NDUFV2: variants seen among roughly 807,000 people sequenced by gnomAD.
The protein encoded by NDUFV2 is NADH dehydrogenase [ubiquinone] flavoprotein 2, mitochondrial.
A neutral mutation model predicts 31.6 loss-of-function variants in NDUFV2; 18 were observed. That is an observed-to-expected ratio of 0.57 (90% CI 0.39 to 0.84). The LOEUF (loss-of-function observed/expected upper bound fraction) is 0.84, where lower values mean the gene tolerates loss of function less well. Ranked by LOEUF, NDUFV2 falls within the 40% of genes least tolerant of loss-of-function variation. NDUFV2 has a pLI of 0.00. For synonymous variants in NDUFV2, 83 were observed against 99.8 expected (o/e 0.83, Z 1.01); for missense variants, 314 against 303.6 (o/e 1.03, Z -0.26).
At chr18:9,110,284 T>A (rs1417367839) in intron 1 of NDUFV2, among the ~76,000 whole-genome samples, 1 of 152,204 alleles carries the variant, frequency 6.6e-6, no homozygotes, top group African/African-American at 2.4e-5. Context: ...ATGAGAACTT[T>A]TAATGTTTTA....
intron 7 of NDUFV2, among the ~76,000 whole-genome samples, chr18:9,133,003 C>T (rs2078053843): frequency 6.6e-6 from 1 of 152,116 alleles, no homozygotes; most frequent in African/African-American, 2.4e-5. Context: ...GCTTTTTTAT[C>T]TGTTTTTGTA....
intron 1 of NDUFV2, chr18:9,104,064 G>C (rs1166577702): frequency 7.5e-7 from 1 of 1,327,860 alleles, no homozygotes; most frequent in Non-Finnish European, 1.1e-6. Context: ...AGATGAATAG[G>C]GTCATCCAAT....
intron 4 of NDUFV2, among the ~76,000 whole-genome samples, 166 bp from the exon 5 acceptor site, chr18:9,122,347 A>T (rs2077944298): frequency 6.6e-6 from 1 of 152,192 alleles, no homozygotes; most frequent in Admixed American, 6.5e-5. Flanking sequence ...AAAATTGAAG[A>T]GTTTATATCT....
intron 1 of NDUFV2, among the ~76,000 whole-genome samples, chr18:9,113,947 T>C (rs560580077): frequency 7.9e-5 from 12 of 152,286 alleles, no homozygotes; most frequent in African/African-American, 2.9e-4. Flanking sequence ...CTTGTCCTGC[T>C]ACAATGGGAG....
intron 1 of NDUFV2, chr18:9,105,037 A>G (rs1233923029): frequency 6.9e-7 from 1 of 1,451,342 alleles, no homozygotes; most frequent in Non-Finnish European, 9.3e-7. Context: ...AGCTTTCCTT[A>G]TCAGTAGACA....
intron 4 of NDUFV2, 40 bp from the exon 5 acceptor site, chr18:9,122,473 C>A: frequency 6.7e-7 from 1 of 1,495,118 alleles, no homozygotes; most frequent in Non-Finnish European, 9.3e-7. Flanking sequence ...CCATTACTAA[C>A]ACTGTAATTA....
chr18:9,129,021 T>A (rs1257998234), intron 7 of NDUFV2, among the ~76,000 whole-genome samples: 1 of 152,168 alleles, frequency 6.6e-6, no homozygotes, highest in Non-Finnish European at 1.5e-5. Context: ...CACTGCAACT[T>A]CTGCCTCCCA....
intron 1 of NDUFV2, chr18:9,103,904 C>T (rs927979204): frequency 2.8e-5 from 12 of 430,870 alleles, no homozygotes; most frequent in African/African-American, 2.4e-4. Flanking sequence ...TAAATATCTA[C>T]ATTCCACATC....
intron 5 of NDUFV2, among the ~76,000 whole-genome samples, chr18:9,123,023 C>G (rs543644168): frequency 6.6e-6 from 1 of 151,950 alleles, no homozygotes; most frequent in African/African-American, 2.4e-5. Context: ...AAAAAGTGAC[C>G]CATTATTGTC....
chr18:9,117,902 TG>T lies in NDUFV2; in HGVS notation c.120+1del. The T allele has an allele frequency of 6.3e-7, 1 of 1,583,312 alleles. No individual in the cohort carries two copies. The highest frequency in any genetic ancestry group is 8.7e-7 in the Non-Finnish European group (1 of 1,152,094). On this transcript the variant is annotated frameshift_variant and splice_region_variant, in exon 2 of 8. Coordinates refer to ENST00000318388, the MANE Select transcript of NDUFV2 (RefSeq NM_021074.5). LOFTEE classifies it high-confidence loss of function. The part of the protein sequence containing the change: ...MQNGAGGALF[V>X]HRDTPENNPD... ...AATGGAGCTGGAGGAGCTTTATTTG[TG>T]GTAAGTAATTACTTAGATTTCTTTG...
At chr18:9,114,883 G>T (rs2077890379) in intron 1 of NDUFV2, among the ~76,000 whole-genome samples, 1 of 152,138 alleles carries the variant, frequency 6.6e-6, no homozygotes, top group South Asian at 2.1e-4. Flanking sequence ...CCAATATGTA[G>T]CAACATAAGC....
At chr18:9,104,143 A>G (rs2077829121) in intron 1 of NDUFV2, 1 of 1,612,738 alleles carries the variant, frequency 6.2e-7, no homozygotes, top group East Asian at 2.2e-5. Flanking sequence ...GTCCGAGGGT[A>G]TTCTAGGTGG....
intron 4 of NDUFV2, 139 bp downstream of exon 4, chr18:9,119,729 G>T: frequency 1.4e-6 from 1 of 727,184 alleles, no homozygotes; most frequent in South Asian, 1.6e-5. Flanking sequence ...ATGTTTCCTT[G>T]AATTGTCTTT....
intron 1 of NDUFV2, chr18:9,104,148 A>G: frequency 1.9e-6 from 3 of 1,612,702 alleles, no homozygotes; most frequent in Non-Finnish European, 2.5e-6. Context: ...AGGGTATTCT[A>G]GGTGGAAAGG....
chr18:9,131,989 TATTG>T (rs532156401), intron 7 of NDUFV2, among the ~76,000 whole-genome samples: 76 of 151,866 alleles, frequency 5.0e-4, no homozygotes, highest in African/African-American at 1.6e-3. Context: ...TTATAGGCTT[TATTG>T]GAGGATTTTT....
At chr18:9,105,295 G>A (rs911304169) in intron 1 of NDUFV2, among the ~76,000 whole-genome samples, 3 of 152,198 alleles carry the variant, frequency 2.0e-5, no homozygotes, top group Non-Finnish European at 4.4e-5. Context: ...TTCTCTTGAC[G>A]AGGCTTTTCA....
chr18:9,115,572 T>C (rs1358015446), intron 1 of NDUFV2: 11 of 152,130 alleles, frequency 7.2e-5, no homozygotes, highest in African/African-American at 2.7e-4. Context: ...AATGGACACT[T>C]GGGGCCAGGC....
intron 2 of NDUFV2, among the ~76,000 whole-genome samples, chr18:9,118,701 G>T (rs1377220086): frequency 1.3e-5 from 2 of 151,144 alleles, no homozygotes; most frequent in Non-Finnish European, 2.9e-5. Context: ...TTGATTTCCT[G>T]TTGACATGCC....
intron 1 of NDUFV2, among the ~76,000 whole-genome samples, chr18:9,111,903 C>T (rs574884416): frequency 1.3e-5 from 2 of 151,790 alleles, no homozygotes; most frequent in South Asian, 4.1e-4. Context: ...ATCCCACCTT[C>T]AGAGGTGCTA....
Sources: gnomAD v4.1 joint callset for allele counts (sites outside exome capture counted in the v4.1 genomes callset) on GRCh38, gnomAD v4.1.1 for gene constraint, MANE v1.5 for transcripts, NCBI Gene and HGNC (gene_info 2026-07-23, HGNC 2026-07-21) for gene names.